Variants in FAM174A observed in about 807,000 individuals in gnomAD.
FAM174A encodes family with sequence similarity 174 member A.
FAM174A carries 14 observed loss-of-function variants against 14.3 expected under a neutral mutation model. The observed-to-expected ratio is 0.98, with a 90% CI of 0.65 to 1.53. The LOEUF (loss-of-function observed/expected upper bound fraction) is 1.53. Ranked by LOEUF, FAM174A falls within the 40% of genes most tolerant of loss-of-function variation. The pLI, the probability that FAM174A is intolerant of heterozygous loss-of-function variation, is 0.00. For synonymous variants in FAM174A, 108 were observed against 111.4 expected, an observed-to-expected ratio of 0.97 and a Z score of 0.19; for missense variants, 241 against 249.6, an observed-to-expected ratio of 0.97 and a Z score of 0.23.
intron 2 of FAM174A, among the ~76,000 whole-genome samples, chr5:100,576,811 A>C (rs1746914715): frequency 6.6e-6 from 1 of 152,206 alleles, no homozygotes; most frequent in Admixed American, 6.6e-5. Flanking sequence ...TGTTAGTTAG[A>C]GGCAATTTTT....
intron 1 of FAM174A, among the ~76,000 whole-genome samples, chr5:100,550,244 G>A (rs1580365770): frequency 1.3e-5 from 2 of 152,112 alleles, no homozygotes; most frequent in Admixed American, 6.6e-5. Flanking sequence ...GTGAGTACAT[G>A]TTTAATATAT....
Position 100,535,984 on chromosome 5 carries a change from G to T in FAM174A, c.434+20G>T, listed in dbSNP as rs1284802181. 4 of 1,543,104 alleles carry T rather than the reference G, an allele frequency of 2.6e-6. No homozygotes were observed. Among genetic ancestry groups the T allele is most frequent in the Non-Finnish European group, 3.5e-6 (4 of 1,140,444 alleles). On this transcript the variant is annotated intron_variant, in intron 1 of 2. Coordinates refer to ENST00000312637, the MANE Select transcript of FAM174A (RefSeq NM_198507.3). The stretch of plus-strand genomic sequence containing the variant: ...GGTCAGGTGAGGCAAAGCCTCGGTG[G>T]GGCACCCCCGTGGGCCTGAGATACG...
At chr5:100,577,630 T>C (rs1746928420) in intron 2 of FAM174A, among the ~76,000 whole-genome samples, 1 of 152,084 alleles carries the variant, frequency 6.6e-6, no homozygotes, top group Admixed American at 6.6e-5. Context: ...TCTTAATTGT[T>C]GGGTATAACA....
At chr5:100,556,775 T>C (rs185747280) in intron 1 of FAM174A, among the ~76,000 whole-genome samples, 82 of 152,310 alleles carry the variant, frequency 5.4e-4, no homozygotes, top group African/African-American at 1.9e-3. Flanking sequence ...ATGCTTGTGA[T>C]TTTTGCACAC....
At chr5:100,542,848 G>A (rs79520967) in intron 1 of FAM174A, among the ~76,000 whole-genome samples, 9 of 139,638 alleles carry the variant, frequency 6.4e-5, no homozygotes, top group East Asian at 3.9e-4. Context: ...ATATATATAT[G>A]TGTGTGTGTG....
intron 2 of FAM174A, chr5:100,581,198 G>A (rs1377669204): frequency 5.9e-6 from 1 of 168,554 alleles, no homozygotes; most frequent in Non-Finnish European, 1.2e-5. Flanking sequence ...CCAAAGTGCA[G>A]GGATTACAGG....
chr5:100,564,534 G>A (rs575428770), intron 2 of FAM174A, among the ~76,000 whole-genome samples: 2 of 151,814 alleles, frequency 1.3e-5, no homozygotes, highest in South Asian at 4.2e-4. Context: ...AAATAATTAA[G>A]ATTATAATAG....
chr5:100,564,467 A>G (rs1240216966), intron 2 of FAM174A, among the ~76,000 whole-genome samples: 1 of 151,952 alleles, frequency 6.6e-6, no homozygotes, highest in African/African-American at 2.4e-5. Flanking sequence ...TTACCCTTTC[A>G]GAAAGTGGCA....
At chr5:100,550,138 T>C (rs1746236202) in intron 1 of FAM174A, among the ~76,000 whole-genome samples, 1 of 152,180 alleles carries the variant, frequency 6.6e-6, no homozygotes, top group Non-Finnish European at 1.5e-5. Flanking sequence ...CAGCATAGGA[T>C]ACAAACTAAA....
chr5:100,563,154 T>G (rs1404375533), intron 2 of FAM174A, among the ~76,000 whole-genome samples: 4 of 151,898 alleles, frequency 2.6e-5, no homozygotes, highest in Non-Finnish European at 4.4e-5. Context: ...TGCTGATAAT[T>G]TGTTCATTTA....
intron 2 of FAM174A, among the ~76,000 whole-genome samples, chr5:100,562,573 A>C (rs1319420217): frequency 6.6e-6 from 1 of 151,284 alleles, no homozygotes; most frequent in Admixed American, 6.6e-5. Context: ...AATATGTATT[A>C]ACTTGGGTGT....
intron 1 of FAM174A, among the ~76,000 whole-genome samples, chr5:100,552,929 T>A (rs1391195155): frequency 2.6e-5 from 4 of 152,100 alleles, no homozygotes; most frequent in Non-Finnish European, 4.4e-5. Flanking sequence ...CGGCTTAGGC[T>A]TCCATACTTT....
intron 2 of FAM174A, among the ~76,000 whole-genome samples, chr5:100,575,361 CAT>C (rs1746880066): frequency 6.6e-6 from 1 of 152,044 alleles, no homozygotes; most frequent in African/African-American, 2.4e-5. Flanking sequence ...ATTAACTCAT[CAT>C]TTACATTAGG....
chr5:100,538,169 G>A (rs865827520), intron 1 of FAM174A, among the ~76,000 whole-genome samples: 11 of 152,152 alleles, frequency 7.2e-5, no homozygotes, highest in Admixed American at 2.0e-4. Context: ...GCAGTGTTCC[G>A]AACTCATACT....
At chr5:100,558,993 G>T (rs879090580) in intron 1 of FAM174A, among the ~76,000 whole-genome samples, 2 of 152,102 alleles carry the variant, frequency 1.3e-5, no homozygotes, top group African/African-American at 4.8e-5. Flanking sequence ...ATGTTAGCTG[G>T]TTATTCTGCT....
Position 100,544,319 on chromosome 5 carries a change from G to A in FAM174A, c.434+8355G>A, listed in dbSNP as rs543574615. 2.0e-3 allele frequency among the ~76,000 whole-genome samples: 302 copies of A among 152,078 alleles called. 1 individual carries two copies. Among genetic ancestry groups the A allele is most frequent in the Middle Eastern group, 3.4e-3 (1 of 294 alleles). On this transcript the variant is annotated intron_variant, in intron 1 of 2. Coordinates refer to ENST00000312637, the MANE Select transcript of FAM174A (RefSeq NM_198507.3). ...GTCGTACCCCTGCATTTGTACCCCT[G>A]CATCCCGGAAACAGTTGAGGCCAAG...
intron 1 of FAM174A, among the ~76,000 whole-genome samples, chr5:100,540,633 T>C (rs984658332): frequency 5.9e-5 from 9 of 152,068 alleles, no homozygotes; most frequent in Admixed American, 4.6e-4. Flanking sequence ...ACACCTAAAA[T>C]ATTTTAAAGT....
intron 2 of FAM174A, among the ~76,000 whole-genome samples, chr5:100,573,165 TG>T (rs1243226817): frequency 6.6e-6 from 1 of 152,180 alleles, no homozygotes; most frequent in African/African-American, 2.4e-5. Context: ...CTTTGTCAGT[TG>T]AGTAGGTTGC....
chr5:100,538,166 T>TC (rs2112361059), intron 1 of FAM174A, among the ~76,000 whole-genome samples: 1 of 152,284 alleles, frequency 6.6e-6, no homozygotes, highest in South Asian at 2.1e-4. Flanking sequence ...TGGGCAGTGT[T>TC]CCGAACTCAT....
Sources: allele counts gnomAD v4.1 joint callset (sites outside exome capture counted in the v4.1 genomes callset), GRCh38; gene constraint gnomAD v4.1.1; transcripts MANE v1.5; gene names NCBI Gene and HGNC (gene_info 2026-07-23, HGNC 2026-07-21).